Variants in ZNF595 observed in about 807,000 individuals in gnomAD.
ZNF595 encodes the protein zinc finger protein 595.
A neutral mutation model predicts 19.4 loss-of-function variants in ZNF595; 9 were observed. That is an observed-to-expected ratio of 0.46 (90% CI 0.28 to 0.81). The LOEUF is 0.81. ZNF595 is among the 30% of genes least tolerant of loss of function. The pLI, the probability that ZNF595 is intolerant of heterozygous loss-of-function variation, is 0.11. For missense variants in ZNF595, 729 were observed against 736.0 expected (o/e 0.99, Z 0.11); for synonymous variants, 255 against 255.9 (o/e 1.00, Z 0.03).
At chr4:77,551 T>A (rs1432354514) in intron 3 of ZNF595, among the ~76,000 whole-genome samples, 1 of 152,196 alleles carries the variant, frequency 6.6e-6, no homozygotes, top group Non-Finnish European at 1.5e-5. Flanking sequence ...ACAGACTAGT[T>A]GGGAGGTAAA....
chr4:69,914 G>T (rs1471079111), intron 3 of ZNF595, among the ~76,000 whole-genome samples: 2 of 152,112 alleles, frequency 1.3e-5, no homozygotes, highest in African/African-American at 4.8e-5. Context: ...GCGGGGGTCT[G>T]CCCACAGACC....
At position 87,551 on chromosome 4, in the gene ZNF595, A is replaced by C; in HGVS notation, c.*100A>C. Reference sequence around the variant, plus strand: ...ACTTGTATTATTTTTCTTATTTTAAATTTTTTAAAATTTCTGTAGGTACAT... The same window carrying C: ...ACTTGTATTATTTTTCTTATTTTAACTTTTTTAAAATTTCTGTAGGTACAT... On this transcript the variant is annotated 3_prime_UTR_variant, in exon 4 of 4. Coordinates refer to ENST00000610261, the MANE Select transcript of ZNF595 (RefSeq NM_182524.4). 1 of 1,183,706 alleles carries C rather than the reference A, an allele frequency of 8.4e-7. No individual in the cohort carries two copies. Among genetic ancestry groups the C allele is most frequent in the Non-Finnish European group, 1.1e-6 (1 of 887,030 alleles). The allele number at this position is 1,183,706 out of a possible 1,614,324, so 73.3% of individuals were successfully genotyped here. A position where few individuals can be genotyped will look rare whatever the true frequency, so the allele number is the denominator to read the frequency against.
chr4:85,879 G>C lies in ZNF595; in HGVS notation c.375G>C (p.Val125=). ...KGCKRVNECK[V]QKGVNNGVYQ... is the part of the protein sequence containing the mutation. ...GTAAACGTGTGAATGAGTGTAAGGT[G>C]CAGAAAGGAGTTAATAATGGAGTTT... Residue 125 remains valine (V), a synonymous_variant, in exon 4 of 4, where the codon GTG becomes GTC. Transcript: ENST00000610261. 2 of 1,614,082 alleles carry C rather than the reference G, an allele frequency of 1.2e-6. No individual in the cohort carries two copies.
At chr4:84,890 C>T (rs1714069624) in intron 3 of ZNF595, among the ~76,000 whole-genome samples, 1 of 152,042 alleles carries the variant, frequency 6.6e-6, no homozygotes, top group African/African-American at 2.4e-5. Flanking sequence ...AAAATTTCTA[C>T]ATCTTCATTT....
rs1343769777 is a variant in ZNF595 at position 87,554 on chromosome 4, T to G, written c.*103T>G. Reference sequence around the variant, plus strand: ...TGTATTATTTTTCTTATTTTAAATTTTTTAAAATTTCTGTAGGTACATAGT... The same window carrying G: ...TGTATTATTTTTCTTATTTTAAATTGTTTAAAATTTCTGTAGGTACATAGT... On this transcript the variant is annotated 3_prime_UTR_variant, in exon 4 of 4. Transcript: ENST00000610261. The G allele has an allele frequency of 8.5e-7, 1 of 1,183,008 alleles. No individual in the cohort carries two copies. The highest frequency in any genetic ancestry group is 1.1e-6 in the Non-Finnish European group (1 of 886,056). 73.3% of individuals were successfully genotyped at this position (1,183,008 alleles called of 1,614,324 possible). A position where few individuals can be genotyped will look rare whatever the true frequency, so the allele number is the denominator to read the frequency against.
intron 3 of ZNF595, among the ~76,000 whole-genome samples, chr4:66,400 C>A (rs1340389727): frequency 4.6e-4 from 70 of 150,700 alleles, no homozygotes; most frequent in African/African-American, 1.6e-3. Flanking sequence ...GGCTTTTCTG[C>A]TGCTTAGGTG....
chr4:86,597 C>G lies in ZNF595; in HGVS notation c.1093C>G (p.Gln365Glu), dbSNP rs1553801654. Residue 365 changes from glutamine to glutamate, a missense_variant, in exon 4 of 4, where the codon CAA becomes GAA. This residue lies in a region of ZNF595 where 729 missense variants were observed against 675.3 expected (regional missense o/e 1.08). Transcript: ENST00000610261. Reference protein sequence around the residue: ...LIIHRSIHSEQKLYKCEECGK... With the variant: ...LIIHRSIHSEEKLYKCEECGK... The stretch of plus-strand genomic sequence containing the variant: ...TATACACAGGAGCATTCATTCTGAA[C>G]AAAAACTTTACAAATGTGAAGAATG... The G allele has an allele frequency of 1.2e-6, 2 of 1,611,616 alleles. No homozygotes were observed. Among genetic ancestry groups the G allele is most frequent in the Non-Finnish European group, 1.7e-6 (2 of 1,179,318 alleles).
intron 1 of ZNF595, among the ~76,000 whole-genome samples, chr4:55,184 GC>G (rs1581310108): frequency 6.6e-6 from 1 of 151,300 alleles, no homozygotes; most frequent in Non-Finnish European, 1.5e-5. Flanking sequence ...ACCGCGCCCG[GC>G]CTCCCACCCA....
intron 3 of ZNF595, among the ~76,000 whole-genome samples, chr4:66,693 A>T (rs1423440699): frequency 6.6e-6 from 1 of 152,176 alleles, no homozygotes; most frequent in Middle Eastern, 3.2e-3. Context: ...TCTATTGAAG[A>T]GACTGTCTTT....
At chr4:70,342 T>C (rs891577360) in intron 3 of ZNF595, among the ~76,000 whole-genome samples, 3 of 134,328 alleles carry the variant, frequency 2.2e-5, no homozygotes, top group African/African-American at 8.8e-5. Context: ...ATAAATATCC[T>C]TTTTTTTTTT....
chr4:72,390 T>C (rs1713467641), intron 3 of ZNF595, among the ~76,000 whole-genome samples: 1 of 152,156 alleles, frequency 6.6e-6, no homozygotes, highest in Non-Finnish European at 1.5e-5. Flanking sequence ...ATTTTCTTCT[T>C]TTATGGCTGC....
chr4:76,108 G>A (rs1042635893), intron 3 of ZNF595, among the ~76,000 whole-genome samples: 1 of 152,092 alleles, frequency 6.6e-6, no homozygotes, highest in Admixed American at 6.6e-5. Flanking sequence ...TGCTCAGGCT[G>A]CTCTTGAACT....
chr4:64,724 G>A (rs1713007832), intron 3 of ZNF595, among the ~76,000 whole-genome samples: 1 of 152,312 alleles, frequency 6.6e-6, no homozygotes, highest in Non-Finnish European at 1.5e-5. Flanking sequence ...TTTGATGGTT[G>A]TATTACCAGA....
At chr4:57,752 C>T (rs1581314952) in intron 1 of ZNF595, among the ~76,000 whole-genome samples, 3 of 150,584 alleles carry the variant, frequency 2.0e-5, no homozygotes, top group Non-Finnish European at 3.0e-5. Flanking sequence ...ATACCACCAC[C>T]TGCATGGCTG....
chr4:73,985 T>TTG (rs1214132518), intron 3 of ZNF595, among the ~76,000 whole-genome samples: 2 of 152,086 alleles, frequency 1.3e-5, no homozygotes, highest in Admixed American at 1.3e-4. Flanking sequence ...TGGTTGGTGT[T>TTG]CAGCAAACTC....
chr4:78,192 T>TTTTTTTTTTTTTTTTTTTTTTTG (rs1713754936), intron 3 of ZNF595, among the ~76,000 whole-genome samples: 1 of 152,120 alleles, frequency 6.6e-6, no homozygotes, highest in African/African-American at 2.4e-5. Context: ...GTATGTTTAG[T>TTTTTTTTTTTTTTTTTTTTTTTG]AGAGATGGGG....
At chr4:57,478 C>CCCATAATAATGACAG (rs1581361841) in intron 1 of ZNF595, among the ~76,000 whole-genome samples, 1 of 151,414 alleles carries the variant, frequency 6.6e-6, no homozygotes, top group Admixed American at 6.6e-5. Context: ...GGCATCAGCC[C>CCCATAATAATGACAG]AGGGTCACTG....
chr4:86,191 A>C lies in ZNF595; in HGVS notation c.687A>C (p.Thr229=). Residue 229 remains threonine, a synonymous_variant, in exon 4 of 4, where the codon ACA becomes ACC. Coordinates refer to ENST00000610261, the MANE Select transcript of ZNF595 (RefSeq NM_182524.4). ...KRIHTGEKPY[T]CEECGKAFRR... is the part of the protein sequence containing the mutation. ...TTCATACTGGAGAGAAACCCTACAC[A>C]TGTGAAGAATGTGGCAAAGCCTTTA... 1 of 1,613,822 alleles carries C rather than the reference A, an allele frequency of 6.2e-7. No individual in the cohort carries two copies.
At chr4:81,077 G>A (rs528532658) in intron 3 of ZNF595, among the ~76,000 whole-genome samples, 2 of 152,186 alleles carry the variant, frequency 1.3e-5, no homozygotes, top group Non-Finnish European at 2.9e-5. Context: ...ATGAGAACAT[G>A]TGGTGTTTGG....
Sources: allele counts gnomAD v4.1 joint callset (sites outside exome capture counted in the v4.1 genomes callset), GRCh38; gene constraint gnomAD v4.1.1; regional missense constraint gnomAD v4.1.1; transcripts MANE v1.5; gene names NCBI Gene and HGNC (gene_info 2026-07-23, HGNC 2026-07-21).